Variants in ERG observed in about 807,000 individuals in gnomAD.
ERG encodes transcriptional regulator ERG.
In ERG, 9 loss-of-function variants were observed where a neutral mutation model predicts 55.3. The observed-to-expected ratio is 0.16, with a 90% CI of 0.10 to 0.28. The LOEUF is 0.28. ERG is among the 10% of genes least tolerant of loss of function. The probability of loss-of-function intolerance (pLI) is 1.00; values close to 1 mark genes in which losing one functional copy is unlikely to be tolerated. For synonymous variants in ERG, 223 were observed against 237.3 expected (o/e 0.94, Z 0.55); for missense variants, 434 against 631.6 (o/e 0.69, Z 3.35).
chr21:38,545,531 A>G (rs1217914149), intron 2 of ERG, among the ~76,000 whole-genome samples: 1 of 152,190 alleles, frequency 6.6e-6, no homozygotes, highest in East Asian at 1.9e-4. Context: ...TCCCTGTGCA[A>G]GAGAAATTTC....
intron 1 of ERG, among the ~76,000 whole-genome samples, chr21:38,580,070 T>G (rs973867076): frequency 1.9e-4 from 29 of 152,202 alleles, no homozygotes; most frequent in African/African-American, 6.3e-4. Flanking sequence ...TCCACCCGCC[T>G]CGGCCTCCCA....
At chr21:38,412,393 C>A (rs1989100911) in intron 3 of ERG, among the ~76,000 whole-genome samples, 1 of 152,068 alleles carries the variant, frequency 6.6e-6, no homozygotes, top group Non-Finnish European at 1.5e-5. Context: ...AGTTTAATTA[C>A]CAGTAATTTA....
intron 1 of ERG, among the ~76,000 whole-genome samples, chr21:38,584,307 CCTT>C (rs1358147575): frequency 1.3e-5 from 2 of 152,216 alleles, no homozygotes; most frequent in South Asian, 2.1e-4. Context: ...CTGACCCTCT[CCTT>C]CTTCAACTGG....
chr21:38,487,459 A>T (rs1196600584), intron 1 of ERG, among the ~76,000 whole-genome samples: 1 of 152,216 alleles, frequency 6.6e-6, no homozygotes, highest in Non-Finnish European at 1.5e-5. Context: ...CAGGCTAAAG[A>T]AAATAAAATA....
At chr21:38,630,791 A>T (rs966737570) in intron 1 of ERG, among the ~76,000 whole-genome samples, 1 of 152,230 alleles carries the variant, frequency 6.6e-6, no homozygotes, top group Non-Finnish European at 1.5e-5. Context: ...AGAAGCTTTA[A>T]GAAATGGTTC....
intron 1 of ERG, among the ~76,000 whole-genome samples, chr21:38,656,444 G>A (rs986690965): frequency 1.3e-5 from 2 of 152,188 alleles, no homozygotes; most frequent in Non-Finnish European, 2.9e-5. Context: ...CACAACACCA[G>A]CTAATCTGAT....
chr21:38,599,371 T>C (rs1447488652), intron 1 of ERG, among the ~76,000 whole-genome samples: 1 of 152,140 alleles, frequency 6.6e-6, no homozygotes, highest in Non-Finnish European at 1.5e-5. Context: ...TGGAGAGCTG[T>C]GGGGCAATGT....
intron 2 of ERG, among the ~76,000 whole-genome samples, chr21:38,445,061 C>T (rs1322478783): frequency 6.6e-6 from 1 of 152,028 alleles, no homozygotes; most frequent in African/African-American, 2.4e-5. Flanking sequence ...ATCCTCTACA[C>T]AAACCACTGG....
intron 8 of ERG, 53 bp downstream of exon 8, chr21:38,391,606 C>T (rs2146428428): frequency 1.4e-6 from 2 of 1,391,058 alleles, no homozygotes; most frequent in East Asian, 2.3e-5. Flanking sequence ...TAGAAATGTG[C>T]TGCTGAGCCT....
chr21:38,405,081 C>A (rs1385353072), intron 3 of ERG, among the ~76,000 whole-genome samples: 1 of 152,160 alleles, frequency 6.6e-6, no homozygotes, highest in Non-Finnish European at 1.5e-5. Flanking sequence ...ATCTACCTTT[C>A]CCATTCCATT....
chr21:38,443,611 T>C (rs1347382285), intron 2 of ERG, among the ~76,000 whole-genome samples: 1 of 152,198 alleles, frequency 6.6e-6, no homozygotes, highest in Non-Finnish European at 1.5e-5. Flanking sequence ...ATATATATAG[T>C]TAATGATCAA....
chr21:38,476,036 A>G (rs944791441), intron 1 of ERG, among the ~76,000 whole-genome samples: 1 of 152,204 alleles, frequency 6.6e-6, no homozygotes, highest in African/African-American at 2.4e-5. Context: ...TTTCAGGCAA[A>G]TATGTCATGA....
At chr21:38,653,105 T>A (rs181357515) in intron 1 of ERG, among the ~76,000 whole-genome samples, 1 of 152,316 alleles carries the variant, frequency 6.6e-6, no homozygotes. Context: ...GACTCTGTGG[T>A]GTGAATGTCT....
intron 2 of ERG, among the ~76,000 whole-genome samples, chr21:38,432,252 A>G (rs1990247691): frequency 6.6e-6 from 1 of 151,840 alleles, no homozygotes; most frequent in Non-Finnish European, 1.5e-5. Flanking sequence ...GTGCCACCAC[A>G]CCCAGCTGTT....
At chr21:38,540,895 G>A (rs1465730848) in intron 2 of ERG, among the ~76,000 whole-genome samples, 1 of 152,210 alleles carries the variant, frequency 6.6e-6, no homozygotes, top group Non-Finnish European at 1.5e-5. Context: ...TACCAGAGGA[G>A]GACCAGCACA....
rs562187232 is a variant in ERG at position 38,503,874 on chromosome 21, C to T, written c.-41+71788G>A. On this transcript the variant is annotated intron_variant, in intron 2 of 8. Transcript: ENST00000398897. Reference sequence around the variant, plus strand: ...GTCGGAGGATTTGCCTGAGAACATACGCGGCATGAAGACACTCTCAGCCCT... The same window carrying T: ...GTCGGAGGATTTGCCTGAGAACATATGCGGCATGAAGACACTCTCAGCCCT... Among the ~76,000 whole-genome samples, 22 of 152,234 alleles carry T rather than the reference C, an allele frequency of 1.4e-4. No homozygotes were observed. In the South Asian group the frequency reaches 1.5e-3, roughly 10 times the overall value.
At chr21:38,457,654 C>T (rs1340878319) in intron 1 of ERG, among the ~76,000 whole-genome samples, 2 of 152,140 alleles carry the variant, frequency 1.3e-5, no homozygotes, top group Non-Finnish European at 2.9e-5. Context: ...ATCTATCTTT[C>T]CCAGGAAGAA....
At chr21:38,515,110 G>C (rs898597925) in intron 2 of ERG, among the ~76,000 whole-genome samples, 1 of 151,780 alleles carries the variant, frequency 6.6e-6, no homozygotes, top group Non-Finnish European at 1.5e-5. Context: ...ATATATTCAT[G>C]GATTGAAAAA....
intron 1 of ERG, among the ~76,000 whole-genome samples, chr21:38,618,230 G>C (rs974790016): frequency 6.6e-6 from 1 of 152,194 alleles, no homozygotes; most frequent in Non-Finnish European, 1.5e-5. Flanking sequence ...CTGTTAAGAG[G>C]CACTGAGTGG....
Sources: gnomAD v4.1 joint callset for allele counts (sites outside exome capture counted in the v4.1 genomes callset) on GRCh38, gnomAD v4.1.1 for gene constraint, MANE v1.5 for transcripts, NCBI Gene and HGNC (gene_info 2026-07-23, HGNC 2026-07-21) for gene names.